The following YBX3 variants were observed in gnomAD, a reference collection of about 807,000 sequenced individuals.
YBX3 encodes the protein Y-box-binding protein 3.
YBX3 carries 29 observed loss-of-function variants against 42.4 expected under a neutral mutation model. The ratio of observed to expected loss-of-function variants is 0.68; its 90% confidence interval spans 0.51 to 0.93. The LOEUF (loss-of-function observed/expected upper bound fraction) is 0.93, where lower values mean the gene tolerates loss of function less well. Ranked by LOEUF, YBX3 falls within the 40% of genes least tolerant of loss-of-function variation. The probability of loss-of-function intolerance (pLI) is 0.00; values close to 1 mark genes in which losing one functional copy is unlikely to be tolerated. For synonymous variants in YBX3, 195 were observed against 189.8 expected, an observed-to-expected ratio of 1.03 and a Z score of -0.22; for missense variants, 517 against 527.5, an observed-to-expected ratio of 0.98 and a Z score of 0.19.
intron 6 of YBX3, 164 bp from the exon 7 acceptor site, chr12:10,704,312 G>A (rs575537116): frequency 1.1e-5 from 6 of 548,290 alleles, no homozygotes; most frequent in Admixed American, 9.8e-5. Flanking sequence ...GTAAATCTTC[G>A]TGAACGACTG....
chr12:10,704,638 CCCCT>C (rs1157021414), intron 6 of YBX3, among the ~76,000 whole-genome samples: 1 of 133,846 alleles, frequency 7.5e-6, no homozygotes, highest in Non-Finnish European at 1.8e-5. Context: ...TCCCTTCCTC[CCCCT>C]AAGAGCCAAA....
chr12:10,715,347 AC>A (rs1948248442), intron 4 of YBX3, among the ~76,000 whole-genome samples: 2 of 151,652 alleles, frequency 1.3e-5, no homozygotes, highest in Admixed American at 1.3e-4. Flanking sequence ...GAGTTTCAAG[AC>A]CAGCCTGGCC....
chr12:10,705,826 A>T (rs1182412053), intron 6 of YBX3, among the ~76,000 whole-genome samples: 9 of 152,090 alleles, frequency 5.9e-5, no homozygotes, highest in African/African-American at 2.2e-4. Flanking sequence ...TTACTGGCCA[A>T]TGGGAACCCC....
At chr12:10,705,892 C>T (rs534211830) in intron 6 of YBX3, among the ~76,000 whole-genome samples, 1 of 152,222 alleles carries the variant, frequency 6.6e-6, no homozygotes, top group African/African-American at 2.4e-5. Flanking sequence ...AGTACTTCTT[C>T]GCTTTCTGGC....
Position 10,710,206 on chromosome 12 carries a change from T to C in YBX3, c.574-92A>G. 2.6e-6 allele frequency: 4 copies of C among 1,538,846 alleles called. No homozygotes were observed. In the South Asian group the frequency reaches 4.8e-5, roughly 18 times the overall value. ...TAGGATGAATATCACCAAAATAAAATCTCCCCAAAGCAATATAATCCTTTC... is the reference window on the plus strand; with the variant it reads ...TAGGATGAATATCACCAAAATAAAACCTCCCCAAAGCAATATAATCCTTTC... On this transcript the variant is annotated intron_variant, in intron 5 of 9. Transcript: ENST00000228251.
chr12:10,714,486 TAAA>T (rs751059609), intron 4 of YBX3, among the ~76,000 whole-genome samples: 2 of 152,178 alleles, frequency 1.3e-5, no homozygotes, highest in East Asian at 3.8e-4. Flanking sequence ...ATAACAGTAT[TAAA>T]AACTTCTGTA....
chr12:10,711,046 G>C (rs1302384262), intron 5 of YBX3: 1 of 152,498 alleles, frequency 6.6e-6, no homozygotes, highest in Non-Finnish European at 1.5e-5. Context: ...TATATGTTTA[G>C]GAGTAAAGCT....
intron 7 of YBX3, chr12:10,702,841 T>A (rs989342957): frequency 6.6e-6 from 1 of 152,206 alleles, no homozygotes; most frequent in African/African-American, 2.4e-5. Context: ...CCAGAGCCTG[T>A]GCTAGTCGGT....
At chr12:10,709,845 G>C (rs1056423388) in intron 6 of YBX3, 63 bp downstream of exon 6, 1 of 1,583,012 alleles carries the variant, frequency 6.3e-7, no homozygotes, top group African/African-American at 1.3e-5. Context: ...GGAGGAGGAA[G>C]AGGAGGCAGA....
At chr12:10,704,331 G>A in intron 6 of YBX3, 183 bp from the exon 7 acceptor site, 2 of 536,558 alleles carry the variant, frequency 3.7e-6, no homozygotes, top group Non-Finnish European at 6.6e-6. Context: ...TGAAAAGGAA[G>A]ACAAACCTAG....
chr12:10,713,985 G>A (rs1294681150), intron 4 of YBX3, among the ~76,000 whole-genome samples: 1 of 152,190 alleles, frequency 6.6e-6, no homozygotes, highest in African/African-American at 2.4e-5. Flanking sequence ...AGATTTCAGA[G>A]AGTGTATTTC....
intron 9 of YBX3, among the ~76,000 whole-genome samples, chr12:10,700,474 A>T (rs1270133386): frequency 6.6e-6 from 1 of 152,202 alleles, no homozygotes; most frequent in Admixed American, 6.5e-5. Flanking sequence ...AAAAAAAACA[A>T]ACCCAGAATT....
At chr12:10,713,861 A>T (rs1332992157) in intron 4 of YBX3, among the ~76,000 whole-genome samples, 1 of 152,246 alleles carries the variant, frequency 6.6e-6, no homozygotes, top group Non-Finnish European at 1.5e-5. Context: ...TATTCTCCAC[A>T]CATGTAGTCC....
At chr12:10,706,013 A>C (rs1245527827) in intron 6 of YBX3, among the ~76,000 whole-genome samples, 1 of 152,246 alleles carries the variant, frequency 6.6e-6, no homozygotes, top group Non-Finnish European at 1.5e-5. Context: ...AAAACAAAAA[A>C]TTGGGGGACA....
Position 10,709,943 on chromosome 12 carries a change from G to A in YBX3, c.745C>T (p.Arg249Cys), listed in dbSNP as rs1948180003. ...TTGGGATGGGGTAAGACCCGTGAGCGACGGTCAAAGGTCTGTCCCACGTGG... is the reference window on the plus strand; with the variant it reads ...TTGGGATGGGGTAAGACCCGTGAGCAACGGTCAAAGGTCTGTCCCACGTGG... ...PYHVGQTFDRRSRVLPHPNRI... is the reference protein window; with the variant it reads ...PYHVGQTFDRCSRVLPHPNRI... Residue 249 changes from arginine to cysteine, a missense_variant, in exon 6 of 10, where the codon CGC (arginine) becomes TGC (cysteine). Arg to Cys is a radical substitution (Grantham distance 180, BLOSUM62 -3). Around this residue, in one of 3 missense-constraint regions of YBX3, gnomAD observed 420 missense variants for 408.5 expected, o/e 1.03. Coordinates refer to ENST00000228251, the MANE Select transcript of YBX3 (RefSeq NM_003651.5). The A allele has an allele frequency of 1.3e-5, 21 of 1,614,172 alleles. No individual in the cohort carries two copies. Among genetic ancestry groups the A allele is most frequent in the Admixed American group, 1.7e-5 (1 of 60,036 alleles).
chr12:10,704,295 T>C, intron 6 of YBX3, 147 bp from the exon 7 acceptor site: 1 of 581,708 alleles, frequency 1.7e-6, no homozygotes, highest in South Asian at 2.5e-5. Flanking sequence ...ACACAAACTA[T>C]TTATGAGTAA....
Position 10,720,531 on chromosome 12 carries a change from G to GA in YBX3, c.263-1389dup, listed in dbSNP as rs1047616348. 2.6e-5 allele frequency among the ~76,000 whole-genome samples: 4 copies of GA among 152,008 alleles called. 1 individual carries two copies. In the South Asian group the frequency reaches 6.2e-4, roughly 24 times the overall value. ...CTGATTGGAGCAGCAAGGCAAAGGA[G>GA]AAAAAAACAGTTGATGTTTTCGATG... On this transcript the variant is annotated intron_variant, in intron 1 of 9. Transcript: ENST00000228251.
chr12:10,715,629 G>C, intron 4 of YBX3, 65 bp downstream of exon 4: 1 of 1,375,080 alleles, frequency 7.3e-7, no homozygotes. Flanking sequence ...GGGGCTGATA[G>C]ATAATTTATT....
At position 10,717,955 on chromosome 12, in the gene YBX3, T is replaced by C. The variant is rs972109806; in HGVS notation, c.360+133A>G. On this transcript the variant is annotated intron_variant, in intron 3 of 9. Coordinates refer to ENST00000228251, the MANE Select transcript of YBX3 (RefSeq NM_003651.5). ...ATCTTAAAATGTGGAACTGAACTCC[T>C]GTTGCAAAATAAATCACAGAAAGAG... is the stretch of plus-strand genomic sequence containing the variant. 21 of 658,578 alleles carry C rather than the reference T, an allele frequency of 3.2e-5. 1 individual carries two copies. The highest frequency in any genetic ancestry group is 4.6e-5 in the Non-Finnish European group (19 of 416,884). The allele number at this position is 658,578 out of a possible 1,614,324, so 40.8% of individuals were successfully genotyped here. A position where few individuals can be genotyped will look rare whatever the true frequency, so the allele number is the denominator to read the frequency against.
Sources: gnomAD v4.1 joint callset for allele counts (sites outside exome capture counted in the v4.1 genomes callset) on GRCh38, gnomAD v4.1.1 for gene constraint, gnomAD v4.1.1 regional missense constraint, MANE v1.5 for transcripts, NCBI Gene and HGNC (gene_info 2026-07-23, HGNC 2026-07-21) for gene names.